Variants in GCM1 observed in about 807,000 individuals in gnomAD.
GCM1 encodes GCM transcription factor 1.
In GCM1, 2 loss-of-function variants were observed where a neutral mutation model predicts 25.7. The ratio of observed to expected loss-of-function variants is 0.08; its 90% CI spans 0.03 to 0.24. The LOEUF (loss-of-function observed/expected upper bound fraction) is 0.24, where lower values mean the gene tolerates loss of function less well. Among genes scored for constraint, GCM1 ranks in the 10% least tolerant of loss-of-function variants. GCM1 has a pLI of 1.00. For missense variants in GCM1, 395 were observed against 538.7 expected (o/e 0.73, Z 2.64); for synonymous variants, 183 against 195.7 (o/e 0.94, Z 0.54).
Position 53,128,827 on chromosome 6 carries a change from G to A in GCM1, c.690C>T (p.Asn230=), listed in dbSNP as rs3823112. Residue 230 remains asparagine (N), a synonymous_variant, in exon 6 of 6, where the codon AAC becomes AAT. Transcript: ENST00000259803. ...GHLIANTPQQ[N]SLNDCFSFSK... is the part of the protein sequence containing the mutation. ...AGAAGGAAAAGCAATCATTTAGTGA[G>A]TTCTGCTGAGGAGTGTTAGCTATTA... 2.4e-4 allele frequency: 394 copies of A among 1,613,648 alleles called. 2 individuals carry two copies. In the East Asian group the frequency reaches 8.0e-3, roughly 33 times the overall value.
At chr6:53,130,325 C>T (rs1279201354) in intron 5 of GCM1, among the ~76,000 whole-genome samples, 1 of 152,160 alleles carries the variant, frequency 6.6e-6, no homozygotes. Context: ...GAGTAGCCTC[C>T]ACTCCACTAT....
chr6:53,146,435 G>T (rs1705680618), intron 1 of GCM1, among the ~76,000 whole-genome samples: 1 of 151,694 alleles, frequency 6.6e-6, no homozygotes, highest in South Asian at 2.1e-4. Flanking sequence ...GGCCAGCCTG[G>T]TCTCGAACTC....
intron 2 of GCM1, among the ~76,000 whole-genome samples, chr6:53,142,026 A>G (rs1234021643): frequency 9.3e-5 from 13 of 139,410 alleles, no homozygotes; most frequent in Non-Finnish European, 1.5e-4. Context: ...AAAAAAAAAA[A>G]AAAAAAAAAA....
At chr6:53,141,801 C>T (rs1272647725) in intron 2 of GCM1, among the ~76,000 whole-genome samples, 8 of 151,084 alleles carry the variant, frequency 5.3e-5, no homozygotes, top group African/African-American at 9.7e-5. Flanking sequence ...TCCTGGGGTT[C>T]GAGACCAGCC....
At position 53,130,950 on chromosome 6, in the gene GCM1, G is replaced by T; in HGVS notation, c.442-19C>A. On this transcript the variant is annotated intron_variant, in intron 4 of 5. Transcript: ENST00000259803. ...CCTTTGACTTAAATGAGACAAGGAAGTAGAAAGGAAATGATATAACACTAA... is the reference window on the plus strand; with the variant it reads ...CCTTTGACTTAAATGAGACAAGGAATTAGAAAGGAAATGATATAACACTAA... 6.2e-7 allele frequency: 1 copy of T among 1,608,316 alleles called. No homozygotes were observed. Among genetic ancestry groups the T allele is most frequent in the African/African-American group, 1.3e-5 (1 of 74,908 alleles).
At chr6:53,140,530 C>CAAAAAAAA (rs10629921) in intron 2 of GCM1, among the ~76,000 whole-genome samples, 1 of 128,594 alleles carries the variant, frequency 7.8e-6, no homozygotes, top group Non-Finnish European at 1.6e-5. Context: ...TTCTCTCTAC[C>CAAAAAAAA]AAAAAAAAAA....
intron 2 of GCM1, 112 bp from the exon 3 acceptor site, chr6:53,134,436 A>G (rs890338147): frequency 7.9e-6 from 8 of 1,018,058 alleles, no homozygotes; most frequent in Non-Finnish European, 1.0e-5. Flanking sequence ...GCTGGGCAAG[A>G]GACCTTTGGC....
chr6:53,133,321 C>G (rs1053004843), intron 3 of GCM1, among the ~76,000 whole-genome samples: 3 of 144,308 alleles, frequency 2.1e-5, no homozygotes, highest in Non-Finnish European at 4.6e-5. Flanking sequence ...CACACCACCA[C>G]ACCCGGCAAA....
chr6:53,130,698 G>T, intron 5 of GCM1, 105 bp downstream of exon 5: 4 of 873,424 alleles, frequency 4.6e-6, no homozygotes, highest in Non-Finnish European at 7.1e-6. Flanking sequence ...GATAATCCAT[G>T]ATTTCTGGCT....
chr6:53,130,972 C>T (rs1763716484), intron 4 of GCM1, 41 bp from the exon 5 acceptor site: 1 of 1,562,474 alleles, frequency 6.4e-7, no homozygotes, highest in Non-Finnish European at 8.8e-7. Context: ...TGATATAACA[C>T]TAACTAGACT....
intron 2 of GCM1, among the ~76,000 whole-genome samples, chr6:53,137,390 A>G (rs569752771): frequency 6.6e-6 from 1 of 152,336 alleles, no homozygotes; most frequent in East Asian, 1.9e-4. Flanking sequence ...CTTCTGGCCC[A>G]AAGCTGCAAA....
Position 53,128,302 on chromosome 6 carries a change from G to A in GCM1, c.1215C>T (p.Ser405=), listed in dbSNP as rs552574680. ...CCTCAAAATCCCATTTGCTGCTCTT[G>A]CTTGGCAGTGAATATTGCTGATGAG... is the stretch of plus-strand genomic sequence containing the variant. ...SHPHQQYSLP[S]KSSKWDFEEE... The change falls in exon 6 of 6, where the codon AGC becomes AGT. Residue 405 remains serine, a synonymous_variant. Coordinates refer to ENST00000259803, the MANE Select transcript of GCM1 (RefSeq NM_003643.4). 1.2e-6 allele frequency: 2 copies of A among 1,613,918 alleles called. No homozygotes were observed. The highest frequency in any genetic ancestry group is 2.7e-5 in the African/African-American group (2 of 75,016).
At chr6:53,140,459 A>G (rs1407491350) in intron 2 of GCM1, among the ~76,000 whole-genome samples, 1 of 151,796 alleles carries the variant, frequency 6.6e-6, no homozygotes, top group Admixed American at 6.6e-5. Context: ...TAGTCCAGGA[A>G]TGAACTAATC....
At chr6:53,142,855 C>A (rs2127510554) in intron 2 of GCM1, among the ~76,000 whole-genome samples, 1 of 36,058 alleles carries the variant, frequency 2.8e-5, no homozygotes, top group East Asian at 7.6e-4. Context: ...AAAAGGTAAA[C>A]AACTCAAGGA....
chr6:53,140,346 T>A (rs757005338), intron 2 of GCM1, among the ~76,000 whole-genome samples: 20 of 152,166 alleles, frequency 1.3e-4, no homozygotes, highest in Non-Finnish European at 2.6e-4. Context: ...TCTGATTACA[T>A]GTGGCCACAT....
chr6:53,145,115 A>T (rs1342021263), intron 2 of GCM1, among the ~76,000 whole-genome samples: 1 of 152,226 alleles, frequency 6.6e-6, no homozygotes, highest in Non-Finnish European at 1.5e-5. Context: ...GTATTCCACA[A>T]GAGAACAATA....
chr6:53,130,342 C>T (rs1212279285), intron 5 of GCM1, among the ~76,000 whole-genome samples: 3 of 152,132 alleles, frequency 2.0e-5, no homozygotes, highest in Admixed American at 1.3e-4. Flanking sequence ...CTATTGCCAC[C>T]CTGGGACAGC....
At chr6:53,129,441 T>G (rs1273636289) in intron 5 of GCM1, among the ~76,000 whole-genome samples, 1 of 152,046 alleles carries the variant, frequency 6.6e-6, no homozygotes, top group Non-Finnish European at 1.5e-5. Flanking sequence ...GCCCAGCTAA[T>G]TTTTGTATTT....
intron 4 of GCM1, 145 bp from the exon 5 acceptor site, chr6:53,131,076 GA>G (rs1763718770): frequency 2.7e-6 from 2 of 728,968 alleles, no homozygotes; most frequent in Non-Finnish European, 4.6e-6. Context: ...ATGAACCTCT[GA>G]AGGCGCTCCC....
Sources: gnomAD v4.1 joint callset for allele counts (sites outside exome capture counted in the v4.1 genomes callset) on GRCh38, gnomAD v4.1.1 for gene constraint, MANE v1.5 for transcripts, NCBI Gene and HGNC (gene_info 2026-07-23, HGNC 2026-07-21) for gene names.